ZAN: variants seen among roughly 807,000 people sequenced by gnomAD.
ZAN encodes zonadhesin (gene/pseudogene).
A neutral mutation model predicts 286.2 loss-of-function variants in ZAN; 260 were observed. The ratio of observed to expected loss-of-function variants is 0.91; its 90% confidence interval spans 0.82 to 1.01. The LOEUF (loss-of-function observed/expected upper bound fraction) is 1.01, where lower values mean the gene tolerates loss of function less well. Among genes scored for constraint, ZAN ranks in the 50% least tolerant of loss-of-function variants. The probability of loss-of-function intolerance (pLI) is 0.00; values close to 1 mark genes in which losing one functional copy is unlikely to be tolerated. For synonymous variants in ZAN, 1,368 were observed against 1,417.5 expected (o/e 0.97, Z 0.79); for missense variants, 3,410 against 3,639.2 (o/e 0.94, Z 1.62).
Position 100,737,495 on chromosome 7 carries a change from A to C in ZAN, c.613+146A>C, listed in dbSNP as rs1025209671. ...GCCGAGGCGGGCGGATCACGAGGTC[A>C]AGAGATAGAGACCTTTCTGGTTAAC... On this transcript the variant is annotated intron_variant, in intron 6 of 47. Coordinates refer to ENST00000613979, the MANE Select transcript of ZAN (RefSeq NM_003386.3). The C allele has an allele frequency of 2.7e-5, 15 of 553,778 alleles. 1 individual carries two copies. In the African/African-American group the frequency reaches 3.1e-4, roughly 11 times the overall value. 34.3% of individuals were successfully genotyped at this position (553,778 alleles called of 1,614,324 possible). A position where few individuals can be genotyped will look rare whatever the true frequency, so the allele number is the denominator to read the frequency against.
In ZAN at chr7:100,775,567, C is replaced by CGTGTGCTA. The variant is rs1584609544; in HGVS notation, c.6023_6027+3dup. The stretch of plus-strand genomic sequence containing the variant: ...CCAGGTCACCCTGCAGAAGGGCCAC[C>CGTGTGCTA]GTGTGCTAGTGAGCTGGGTGTGGTG... On this transcript the variant is annotated frameshift_variant, in exon 32 of 48. Coordinates refer to ENST00000613979, the MANE Select transcript of ZAN (RefSeq NM_003386.3). LOFTEE classifies it high-confidence loss of function. 1 of 1,613,500 alleles carries CGTGTGCTA rather than the reference C, an allele frequency of 6.2e-7. No individual in the cohort carries two copies. The highest frequency in any genetic ancestry group is 2.2e-5 in the East Asian group (1 of 44,858).
chr7:100,767,468 T>G (rs888559047), intron 25 of ZAN, among the ~76,000 whole-genome samples: 5 of 74,144 alleles, frequency 6.7e-5, no homozygotes, highest in South Asian at 4.7e-4. Flanking sequence ...TTTTTTGCCG[T>G]TTTTTTTTTT....
At chr7:100,746,426 G>A (rs1808222077) in intron 7 of ZAN, 112 bp from the exon 8 acceptor site, 3 of 1,352,386 alleles carry the variant, frequency 2.2e-6, no homozygotes, top group Non-Finnish European at 3.0e-6. Context: ...CTGATTCTAG[G>A]CTGCTGTTGG....
chr7:100,792,232 C>G, intron 41 of ZAN, 84 bp downstream of exon 41: 1 of 1,502,408 alleles, frequency 6.7e-7, no homozygotes, highest in Non-Finnish European at 8.9e-7. Flanking sequence ...GCTTCCTGAC[C>G]CAAGCTCTGT....
intron 35 of ZAN, among the ~76,000 whole-genome samples, chr7:100,782,544 T>TG (rs1387021730): frequency 6.6e-6 from 1 of 152,178 alleles, no homozygotes; most frequent in African/African-American, 2.4e-5. Flanking sequence ...TTGGCCAGGC[T>TG]GGTCTCAAAC....
chr7:100,789,495 TGAGACCAGGTG>T, intron 39 of ZAN, 148 bp downstream of exon 39: 1 of 1,299,702 alleles, frequency 7.7e-7, no homozygotes, highest in Non-Finnish European at 1.0e-6. Flanking sequence ...GGAGGTGAGG[TGAGACCAGGTG>T]GAGAGCAGAG....
In ZAN at chr7:100,792,045, G is replaced by A. The variant is rs770071225; in HGVS notation, c.7609G>A (p.Glu2537Lys). Residue 2537 changes from glutamate to lysine, a missense_variant, in exon 41 of 48, where the codon GAG becomes AAG. Glu to Lys is a moderately conservative substitution (Grantham distance 56). Transcript: ENST00000613979. ...TGLQVSECSP[E>K]QLASNSTQAC... is the part of the protein sequence containing the mutation. ...CCTCCAAGTGTCCGAATGTAGCCCG[G>A]AGCAGCTGGCGAGCAACAGCACCCA... 4 of 1,613,286 alleles carry A rather than the reference G, an allele frequency of 2.5e-6. No individual in the cohort carries two copies. The Admixed American group carries it at 6.7e-5, about 27-fold the overall frequency.
At chr7:100,750,351 G>T (rs1200197727) in intron 11 of ZAN, among the ~76,000 whole-genome samples, 1 of 152,074 alleles carries the variant, frequency 6.6e-6, no homozygotes, top group Non-Finnish European at 1.5e-5. Context: ...TGGCCAGGAT[G>T]GCCTTGATCT....
rs2293768 is a variant in ZAN, at chr7:100,750,761, T to C, written c.1386T>C (p.Gly462=). The C allele has an allele frequency of 0.068, 110,103 of 1,612,368 alleles. 12,790 individuals are homozygous for C. The highest frequency in any genetic ancestry group is 0.55 in the East Asian group (24,623 of 44,792). Residue 462 remains glycine, a synonymous_variant, in exon 12 of 48, where the codon GGT becomes GGC. Coordinates refer to ENST00000613979, the MANE Select transcript of ZAN (RefSeq NM_003386.3). ...ACCACATGTATGGCCTTGGGGAGGGTACTATGCTCGAACTCCTCCTGGGAA... is the reference window on the plus strand; with the variant it reads ...ACCACATGTATGGCCTTGGGGAGGGCACTATGCTCGAACTCCTCCTGGGAA... ...FAYHMYGLGE[G]TMLELLLGSP...
chr7:100,776,324 G>T, intron 33 of ZAN, 116 bp from the exon 34 acceptor site: 1 of 587,404 alleles, frequency 1.7e-6, no homozygotes, highest in East Asian at 5.1e-5. Flanking sequence ...AAGGAAGGGA[G>T]GGAGGGAGGG....
chr7:100,738,417 A>C (rs1484913069), intron 6 of ZAN, 44 bp from the exon 7 acceptor site: 1 of 1,428,910 alleles, frequency 7.0e-7, no homozygotes, highest in East Asian at 2.5e-5. Context: ...CTGTCTCTAA[A>C]AAAGAAGAAA....
At chr7:100,790,364 C>T (rs1297850218) in intron 39 of ZAN, among the ~76,000 whole-genome samples, 1 of 150,236 alleles carries the variant, frequency 6.7e-6, no homozygotes, top group Non-Finnish European at 1.5e-5. Context: ...AGATCGAGAC[C>T]ATCCTGGCTA....
chr7:100,795,121 C>A, intron 44 of ZAN, 75 bp from the exon 45 acceptor site: 2 of 1,513,566 alleles, frequency 1.3e-6, no homozygotes, highest in Non-Finnish European at 1.8e-6. Flanking sequence ...GGCGTCCCAG[C>A]CCCCAGCCAG....
intron 11 of ZAN, among the ~76,000 whole-genome samples, chr7:100,749,462 A>T (rs1808463117): frequency 6.7e-6 from 1 of 149,946 alleles, no homozygotes; most frequent in Non-Finnish European, 1.5e-5. Context: ...AACACGGTGA[A>T]ACCCCGTCCC....
In ZAN at chr7:100,753,248, G is replaced by C; in HGVS notation, c.3124+19G>C. The C allele has an allele frequency of 3.9e-6, 6 of 1,553,030 alleles. No individual in the cohort carries two copies. Among genetic ancestry groups the C allele is most frequent in the Non-Finnish European group, 5.2e-6 (6 of 1,152,490 alleles). The stretch of plus-strand genomic sequence containing the variant: ...AGTACAGGTATGAGGTGGATGGAGC[G>C]TGGGCCAAGGCTGAAAGTCAGAGAC... On this transcript the variant is annotated intron_variant, in intron 14 of 47. Transcript: ENST00000613979.
intron 11 of ZAN, among the ~76,000 whole-genome samples, chr7:100,749,447 T>G (rs570632485): frequency 1.1e-4 from 16 of 150,616 alleles, no homozygotes; most frequent in South Asian, 2.1e-4. Flanking sequence ...GAGACCATCC[T>G]GGCTAACACG....
rs1353472935 is a variant in ZAN at position 100,779,607 on chromosome 7, C to T, written c.6479C>T (p.Thr2160Met). 36 of 1,606,064 alleles carry T rather than the reference C, an allele frequency of 2.2e-5. No homozygotes were observed. The highest frequency in any genetic ancestry group is 2.6e-5 in the Non-Finnish European group (31 of 1,176,576). ...CAGTGCGCCTCCCGCATAGACCTCA[C>T]GCCCTTCCTGGTGGACTGTGCAAAC... ...WAQCASRIDL[T>M]PFLVDCANTL... The change falls in exon 35 of 48, where the codon ACG becomes ATG. Residue 2160 changes from threonine to methionine, a missense_variant. By Grantham distance (81) the Thr-to-Met change is moderately conservative. Transcript: ENST00000613979.
chr7:100,768,549 C>T lies in ZAN; in HGVS notation c.5042-61C>T, dbSNP rs1810163893. On this transcript the variant is annotated intron_variant, in intron 26 of 47. Transcript: ENST00000613979. ...AGTGAGGGTGCCAGGAGGATGGTGG[C>T]CCTGGGGCCTGGCCTGCTGGGGGGC... The T allele has an allele frequency of 2.9e-6, 4 of 1,398,516 alleles. No homozygotes were observed. The Admixed American group carries it at 6.9e-5, about 24-fold the overall frequency. The allele number at this position is 1,398,516 out of a possible 1,614,324, so 86.6% of individuals were successfully genotyped here. A position where few individuals can be genotyped will look rare whatever the true frequency, so the allele number is the denominator to read the frequency against.
Position 100,792,454 on chromosome 7 carries a change from G to T in ZAN, c.7762G>T (p.Glu2588Ter). The T allele has an allele frequency of 6.2e-7, 1 of 1,613,872 alleles. No homozygotes were observed. Among genetic ancestry groups the T allele is most frequent in the Non-Finnish European group, 8.5e-7 (1 of 1,179,868 alleles). ...CSAQDPREQE[E>*]LRCQVLSGHG... ...TGCTCAGGACCCAAGAGAGCAAGAG[G>T]AGCTGCGTTGCCAGGTCCTCAGTGG... Residue 2588 changes from glutamate (E) to a stop codon, truncating the protein, a stop_gained, in exon 42 of 48, where the codon GAG becomes TAG. Coordinates refer to ENST00000613979, the MANE Select transcript of ZAN (RefSeq NM_003386.3). LOFTEE classifies it high-confidence loss of function.
Sources: gnomAD v4.1 joint callset for allele counts (sites outside exome capture counted in the v4.1 genomes callset) on GRCh38, gnomAD v4.1.1 for gene constraint, MANE v1.5 for transcripts, NCBI Gene and HGNC (gene_info 2026-07-23, HGNC 2026-07-21) for gene names.